HPSE2: variants seen among roughly 807,000 people sequenced by gnomAD.
HPSE2 encodes the protein inactive heparanase-2.
A neutral mutation model predicts 60.5 loss-of-function variants in HPSE2; 38 were observed. That is an observed-to-expected ratio of 0.63 (90% CI 0.48 to 0.82). The LOEUF (loss-of-function observed/expected upper bound fraction) is 0.82, where lower values mean the gene tolerates loss of function less well. Ranked by LOEUF, HPSE2 falls within the 40% of genes least tolerant of loss-of-function variation. The pLI is 0.00. For synonymous variants in HPSE2, 295 were observed against 293.2 expected, an observed-to-expected ratio of 1.01 and a Z score of -0.06; for missense variants, 713 against 740.4, an observed-to-expected ratio of 0.96 and a Z score of 0.43.
chr10:98,796,286 G>T (rs1036465354), intron 3 of HPSE2, among the ~76,000 whole-genome samples: 1 of 152,092 alleles, frequency 6.6e-6, no homozygotes, highest in Non-Finnish European at 1.5e-5. Flanking sequence ...GGTCAGAGAG[G>T]AGCTCACTTC....
intron 6 of HPSE2, among the ~76,000 whole-genome samples, chr10:98,665,908 T>C (rs1428600081): frequency 6.6e-6 from 1 of 152,142 alleles, no homozygotes; most frequent in East Asian, 1.9e-4. Flanking sequence ...AATAACATGA[T>C]GACAGGATCA....
At chr10:99,019,853 G>A (rs1333600411) in intron 3 of HPSE2, among the ~76,000 whole-genome samples, 5 of 151,400 alleles carry the variant, frequency 3.3e-5, no homozygotes, top group African/African-American at 7.3e-5. Context: ...CTGAGATTAC[G>A]GGCATGCACC....
At chr10:98,705,237 T>C (rs1948516125) in intron 5 of HPSE2, among the ~76,000 whole-genome samples, 1 of 152,176 alleles carries the variant, frequency 6.6e-6, no homozygotes, top group Non-Finnish European at 1.5e-5. Context: ...ATGGCAGTTA[T>C]TTCAAAAGTC....
At chr10:98,978,286 C>G (rs941998055) in intron 3 of HPSE2, among the ~76,000 whole-genome samples, 1 of 151,746 alleles carries the variant, frequency 6.6e-6, no homozygotes, top group Non-Finnish European at 1.5e-5. Flanking sequence ...TATAAGCAGG[C>G]CTTTAAAAAA....
intron 3 of HPSE2, among the ~76,000 whole-genome samples, chr10:99,124,790 A>C (rs1428929049): frequency 6.6e-6 from 1 of 152,352 alleles, no homozygotes; most frequent in African/African-American, 2.4e-5. Context: ...GTCCGCAGCC[A>C]TCACTGGGCA....
At chr10:98,821,528 T>C (rs895679248) in intron 3 of HPSE2, among the ~76,000 whole-genome samples, 1 of 152,190 alleles carries the variant, frequency 6.6e-6, no homozygotes, top group African/African-American at 2.4e-5. Context: ...CACGTGACTA[T>C]AGTTGAAGAA....
At chr10:99,203,178 C>A (rs932216602) in intron 2 of HPSE2, among the ~76,000 whole-genome samples, 2 of 151,954 alleles carry the variant, frequency 1.3e-5, no homozygotes, top group Admixed American at 6.6e-5. Context: ...ACTAGCCTGG[C>A]CCAACCCCAG....
intron 6 of HPSE2, among the ~76,000 whole-genome samples, chr10:98,661,005 C>G (rs1001383515): frequency 2.6e-5 from 4 of 152,176 alleles, no homozygotes; most frequent in Non-Finnish European, 2.9e-5. Flanking sequence ...TCTCAGGACA[C>G]CCACCTTGAA....
intron 3 of HPSE2, among the ~76,000 whole-genome samples, chr10:98,979,083 C>G (rs943881139): frequency 5.9e-5 from 9 of 152,242 alleles, no homozygotes; most frequent in Non-Finnish European, 1.2e-4. Flanking sequence ...CTTCCAAGCA[C>G]AGTGCTTAAG....
chr10:99,091,339 T>C (rs2135597922), intron 3 of HPSE2, among the ~76,000 whole-genome samples: 1 of 152,234 alleles, frequency 6.6e-6, no homozygotes, highest in Admixed American at 6.5e-5. Context: ...AAACTAAACC[T>C]TGTGAAAAAG....
chr10:98,658,659 T>C (rs1439990953), intron 6 of HPSE2, among the ~76,000 whole-genome samples: 1 of 152,150 alleles, frequency 6.6e-6, no homozygotes, highest in African/African-American at 2.4e-5. Flanking sequence ...TTCAGTGTTT[T>C]CCCTTTCACA....
intron 3 of HPSE2, among the ~76,000 whole-genome samples, chr10:99,059,730 TTATAAC>T (rs1400831753): frequency 2.0e-5 from 3 of 152,118 alleles, no homozygotes; most frequent in Non-Finnish European, 2.9e-5. Flanking sequence ...AGCACAAAAT[TTATAAC>T]TGTTAAGTGT....
intron 9 of HPSE2, among the ~76,000 whole-genome samples, chr10:98,610,499 G>A (rs1945723804): frequency 6.6e-6 from 1 of 152,134 alleles, no homozygotes; most frequent in Admixed American, 6.5e-5. Flanking sequence ...TCCAATCCAT[G>A]ACCAATGACT....
chr10:99,123,349 A>T (rs1049343810), intron 3 of HPSE2, among the ~76,000 whole-genome samples: 1 of 152,212 alleles, frequency 6.6e-6, no homozygotes, highest in Non-Finnish European at 1.5e-5. Flanking sequence ...ACAGGTTAAA[A>T]TATACAAACC....
intron 3 of HPSE2, among the ~76,000 whole-genome samples, chr10:99,076,485 T>C (rs994340102): frequency 6.6e-6 from 1 of 152,200 alleles, no homozygotes; most frequent in Non-Finnish European, 1.5e-5. Flanking sequence ...CCTTCTGTGC[T>C]CAAGCAATTC....
In HPSE2 at chr10:99,166,662, T is replaced by C. The variant is rs1732194311; in HGVS notation, c.449-22263A>G. ...TTATTTTCCATTCATTTATCTTCTT[T>C]GGTAAACTGTTCATATCTCTTGCCC... On this transcript the variant is annotated intron_variant, in intron 2 of 11. Coordinates refer to ENST00000370552, the MANE Select transcript of HPSE2 (RefSeq NM_021828.5). 2.0e-5 allele frequency among the ~76,000 whole-genome samples: 3 copies of C among 152,216 alleles called. No individual in the cohort carries two copies. In the South Asian group the frequency reaches 6.2e-4, roughly 32 times the overall value.
At chr10:98,460,556 T>C (rs1479417813) in intron 11 of HPSE2, among the ~76,000 whole-genome samples, 1 of 152,088 alleles carries the variant, frequency 6.6e-6, no homozygotes, top group African/African-American at 2.4e-5. Flanking sequence ...GAGGCTGCAG[T>C]GAGCCAAGAT....
chr10:98,521,739 G>A (rs1371356718), intron 9 of HPSE2, among the ~76,000 whole-genome samples: 1 of 152,146 alleles, frequency 6.6e-6, no homozygotes, highest in South Asian at 2.1e-4. Context: ...CAACCCAAAT[G>A]TCCATCAATG....
intron 11 of HPSE2, among the ~76,000 whole-genome samples, chr10:98,474,601 G>T (rs1401087016): frequency 6.6e-6 from 1 of 151,998 alleles, no homozygotes; most frequent in Non-Finnish European, 1.5e-5. Context: ...GAAAGCAAAA[G>T]TTATATCCCA....
Sources: gnomAD v4.1 joint callset for allele counts (sites outside exome capture counted in the v4.1 genomes callset) on GRCh38, gnomAD v4.1.1 for gene constraint, MANE v1.5 for transcripts, NCBI Gene and HGNC (gene_info 2026-07-23, HGNC 2026-07-21) for gene names.